The following GRIA1 variants were observed in gnomAD, a reference collection of about 807,000 sequenced individuals.
GRIA1 encodes glutamate receptor 1.
In GRIA1, 31 loss-of-function variants were observed where a neutral mutation model predicts 99.2. The ratio of observed to expected loss-of-function variants is 0.31; its 90% CI spans 0.23 to 0.42. The LOEUF is 0.42. GRIA1 is among the 10% of genes least tolerant of loss of function. The probability of loss-of-function intolerance (pLI) is 1.00; values close to 1 mark genes in which losing one functional copy is unlikely to be tolerated. For synonymous variants in GRIA1, 438 were observed against 432.4 expected (o/e 1.01, Z -0.16); for missense variants, 782 against 1,157.5 (o/e 0.68, Z 4.71).
chr5:153,721,692 G>A (rs899197841), intron 11 of GRIA1, among the ~76,000 whole-genome samples: 5 of 152,148 alleles, frequency 3.3e-5, no homozygotes, highest in Non-Finnish European at 7.4e-5. Flanking sequence ...ACATATAGTT[G>A]TAGTTCATTC....
chr5:153,582,093 T>A (rs1763093786), intron 2 of GRIA1, among the ~76,000 whole-genome samples: 1 of 152,220 alleles, frequency 6.6e-6, no homozygotes, highest in African/African-American at 2.4e-5. Flanking sequence ...CCTGAATCTC[T>A]AGCATGGAAG....
At chr5:153,618,437 G>T (rs2149419034) in intron 2 of GRIA1, among the ~76,000 whole-genome samples, 1 of 152,288 alleles carries the variant, frequency 6.6e-6, no homozygotes, top group East Asian at 1.9e-4. Context: ...TGATTTAACA[G>T]GTCTGGCTAT....
At chr5:153,776,679 C>T (rs961587159) in intron 13 of GRIA1, among the ~76,000 whole-genome samples, 10 of 152,206 alleles carry the variant, frequency 6.6e-5, no homozygotes, top group African/African-American at 2.4e-4. Context: ...CTTCACACAA[C>T]CCTGTGCTGG....
At chr5:153,627,127 T>C (rs1767704053) in intron 2 of GRIA1, among the ~76,000 whole-genome samples, 1 of 152,218 alleles carries the variant, frequency 6.6e-6, no homozygotes, top group Admixed American at 6.5e-5. Flanking sequence ...CTCTTATCTT[T>C]CTTAGTGGCC....
In GRIA1 at chr5:153,764,578, G is replaced by A. The variant is rs751553094; in HGVS notation, c.1968G>A (p.Gln656=). ...AGAGTGCAGAGGACCTAGCGAAGCA[G>A]ACAGAAATTGCCTACGGGACGCTGG... ...PIESAEDLAK[Q]TEIAYGTLEA... Residue 656 remains glutamine, a synonymous_variant, in exon 12 of 16, where the codon CAG becomes CAA. Coordinates refer to ENST00000285900, the MANE Select transcript of GRIA1 (RefSeq NM_000827.4). The A allele has an allele frequency of 1.2e-6, 2 of 1,614,152 alleles. No homozygotes were observed. Among genetic ancestry groups the A allele is most frequent in the Admixed American group, 1.7e-5 (1 of 60,032 alleles).
At chr5:153,530,798 G>C (rs1004005979) in intron 2 of GRIA1, among the ~76,000 whole-genome samples, 4 of 152,178 alleles carry the variant, frequency 2.6e-5, no homozygotes, top group Non-Finnish European at 5.9e-5. Context: ...GATATGTCTG[G>C]ACTTGGAAGT....
intron 11 of GRIA1, among the ~76,000 whole-genome samples, chr5:153,734,663 G>T (rs977860339): frequency 6.6e-6 from 1 of 152,202 alleles, no homozygotes; most frequent in Non-Finnish European, 1.5e-5. Context: ...CAAGAGAAGA[G>T]CCAGAATTTA....
At chr5:153,534,008 C>T (rs1283565915) in intron 2 of GRIA1, among the ~76,000 whole-genome samples, 1 of 152,162 alleles carries the variant, frequency 6.6e-6, no homozygotes, top group Non-Finnish European at 1.5e-5. Context: ...CAAGTAGACC[C>T]CCCACTTCCA....
intron 3 of GRIA1, among the ~76,000 whole-genome samples, chr5:153,649,711 C>T (rs1039477058): frequency 6.6e-6 from 1 of 152,182 alleles, no homozygotes; most frequent in Non-Finnish European, 1.5e-5. Context: ...ATCCACCCAC[C>T]TCGACCTCCC....
chr5:153,606,077 C>T (rs1765411995), intron 2 of GRIA1, among the ~76,000 whole-genome samples: 1 of 152,004 alleles, frequency 6.6e-6, no homozygotes, highest in African/African-American at 2.4e-5. Context: ...TATGTTTTTC[C>T]ACTTAAATTA....
intron 12 of GRIA1, among the ~76,000 whole-genome samples, chr5:153,766,411 C>G (rs1445524570): frequency 6.6e-6 from 1 of 152,216 alleles, no homozygotes; most frequent in Non-Finnish European, 1.5e-5. Context: ...ATCTAATTCA[C>G]TTAACAATGC....
rs1012513538 is a variant in GRIA1 at position 153,729,410 on chromosome 5, AATTG to A, written c.1823+23345_1823+23348del. 1.4e-3 allele frequency among the ~76,000 whole-genome samples: 209 copies of A among 152,088 alleles called. 2 individuals are homozygous for A. Among genetic ancestry groups the A allele is most frequent in the Non-Finnish European group, 1.3e-3 (89 of 67,946 alleles). ...AATAATAAAATAAAATTAATTAATT[AATTG>A]AAAAAAGAGAAAAAGTAGAAAAGTT... On this transcript the variant is annotated intron_variant, in intron 11 of 15. Transcript: ENST00000285900.
chr5:153,795,665 CAGAGAGGCTTGGAGGCCTT>C (rs1403330469), intron 14 of GRIA1: 4 of 853,656 alleles, frequency 4.7e-6, no homozygotes, highest in Non-Finnish European at 5.7e-6. Context: ...CTCCGAGCCT[CAGAGAGGCTTGGAGGCCTT>C]AGAGAGCTGG....
intron 11 of GRIA1, among the ~76,000 whole-genome samples, chr5:153,726,898 C>T (rs1244469933): frequency 6.6e-6 from 1 of 152,196 alleles, no homozygotes; most frequent in African/African-American, 2.4e-5. Flanking sequence ...AGGCAAGCAT[C>T]ATCCTGATAT....
chr5:153,801,621 C>T (rs577506387), intron 14 of GRIA1, among the ~76,000 whole-genome samples: 3 of 152,304 alleles, frequency 2.0e-5, no homozygotes, highest in Admixed American at 6.5e-5. Context: ...CCTGGGTCTG[C>T]CTCCAGTGTT....
At chr5:153,703,676 G>T (rs546364860) in intron 10 of GRIA1, among the ~76,000 whole-genome samples, 1 of 152,266 alleles carries the variant, frequency 6.6e-6, no homozygotes, top group Non-Finnish European at 1.5e-5. Flanking sequence ...GGAGACAGAG[G>T]TTGCAGAGCC....
intron 2 of GRIA1, among the ~76,000 whole-genome samples, chr5:153,641,432 A>T (rs959446355): frequency 5.3e-5 from 8 of 152,246 alleles, no homozygotes; most frequent in African/African-American, 1.9e-4. Flanking sequence ...GAGTGAGGTG[A>T]GGATAGAATT....
At chr5:153,501,764 A>G (rs1432585673) in intron 2 of GRIA1, among the ~76,000 whole-genome samples, 4 of 152,074 alleles carry the variant, frequency 2.6e-5, no homozygotes, top group African/African-American at 7.2e-5. Flanking sequence ...GAAGCTGATG[A>G]CTTGGTTTAG....
intron 5 of GRIA1, among the ~76,000 whole-genome samples, chr5:153,671,955 T>C (rs1296590446): frequency 6.6e-6 from 1 of 152,136 alleles, no homozygotes; most frequent in Non-Finnish European, 1.5e-5. Flanking sequence ...GCAGACTGGA[T>C]AGGGTGCTGG....
Sources: allele counts gnomAD v4.1 joint callset (sites outside exome capture counted in the v4.1 genomes callset), GRCh38; gene constraint gnomAD v4.1.1; transcripts MANE v1.5; gene names NCBI Gene and HGNC (gene_info 2026-07-23, HGNC 2026-07-21).